Variants in ABCC1 observed in about 807,000 individuals in gnomAD.
ABCC1 encodes the protein ATP binding cassette subfamily C member 1 (ABCC1 blood group).
ABCC1 carries 83 observed loss-of-function variants against 172.9 expected under a neutral mutation model. The observed-to-expected ratio is 0.48, with a 90% confidence interval of 0.40 to 0.58. The LOEUF is 0.58. Ranked by LOEUF, ABCC1 falls within the 20% of genes least tolerant of loss-of-function variation. ABCC1 has a pLI of 0.00. For missense variants in ABCC1, 1,817 were observed against 2,002.7 expected, an observed-to-expected ratio of 0.91 and a Z score of 1.77; for synonymous variants, 937 against 825.2, an observed-to-expected ratio of 1.14 and a Z score of -2.32.
At chr16:15,964,243 A>G (rs888420238) in intron 1 of ABCC1, among the ~76,000 whole-genome samples, 7 of 151,970 alleles carry the variant, frequency 4.6e-5, no homozygotes, top group African/African-American at 1.7e-4. Context: ...GCGCCCGGCC[A>G]ATTTCCACCC....
At chr16:15,964,281 T>G (rs2046198629) in intron 1 of ABCC1, among the ~76,000 whole-genome samples, 1 of 152,174 alleles carries the variant, frequency 6.6e-6, no homozygotes, top group Non-Finnish European at 1.5e-5. Flanking sequence ...TCTTGAATGC[T>G]TTGCTGCTTA....
At chr16:16,064,197 A>G (rs1481225991) in intron 12 of ABCC1, among the ~76,000 whole-genome samples, 32 of 152,064 alleles carry the variant, frequency 2.1e-4, no homozygotes, top group Admixed American at 2.1e-3. Context: ...AAAGGCACCT[A>G]GGGGACAGGT....
At chr16:16,018,166 G>A (rs1296938255) in intron 5 of ABCC1, among the ~76,000 whole-genome samples, 1 of 152,180 alleles carries the variant, frequency 6.6e-6, no homozygotes, top group Non-Finnish European at 1.5e-5. Flanking sequence ...ACCTCTGTGA[G>A]GGGCAGAGGC....
At chr16:16,127,543 G>A (rs999786691) in intron 26 of ABCC1, among the ~76,000 whole-genome samples, 5 of 152,132 alleles carry the variant, frequency 3.3e-5, no homozygotes, top group African/African-American at 1.2e-4. Flanking sequence ...TTTTACAGGT[G>A]AGGAAACTGA....
At chr16:15,979,082 A>G (rs1170296837) in intron 1 of ABCC1, among the ~76,000 whole-genome samples, 1 of 152,046 alleles carries the variant, frequency 6.6e-6, no homozygotes, top group African/African-American at 2.4e-5. Flanking sequence ...CATGAGGTCA[A>G]GACATCGAGA....
At chr16:16,131,417 G>C (rs181087388) in intron 26 of ABCC1, among the ~76,000 whole-genome samples, 18 of 152,246 alleles carry the variant, frequency 1.2e-4, no homozygotes, top group Admixed American at 9.2e-4. Context: ...TGTGCTCTGA[G>C]CCCTGGGATA....
chr16:16,065,655 A>T (rs2050084711), intron 12 of ABCC1, among the ~76,000 whole-genome samples: 1 of 151,710 alleles, frequency 6.6e-6, no homozygotes. Context: ...CTGGTCTTGA[A>T]CTCCTGACTT....
chr16:15,977,519 A>C (rs1246282759), intron 1 of ABCC1, among the ~76,000 whole-genome samples: 4 of 152,108 alleles, frequency 2.6e-5, no homozygotes. Flanking sequence ...TATAGGCATG[A>C]GCCTCTGTGG....
At chr16:16,059,829 GC>G (rs960357786) in intron 12 of ABCC1, among the ~76,000 whole-genome samples, 35 of 125,910 alleles carry the variant, frequency 2.8e-4, no homozygotes, top group Admixed American at 1.5e-3. Context: ...CCCCCTCCCA[GC>G]CCCCCACAAA....
chr16:16,000,846 T>G (rs1193703613), intron 1 of ABCC1, among the ~76,000 whole-genome samples: 1 of 152,082 alleles, frequency 6.6e-6, no homozygotes, highest in Non-Finnish European at 1.5e-5. Flanking sequence ...GCAGGTTGTT[T>G]GGGGAGTGTG....
chr16:16,030,436 G>C (rs1375955309), intron 5 of ABCC1, among the ~76,000 whole-genome samples: 1 of 152,044 alleles, frequency 6.6e-6, no homozygotes, highest in African/African-American at 2.4e-5. Context: ...GAGGCGGGAG[G>C]ATCACTTGAA....
rs1228532784 is a variant in ABCC1 at position 15,999,769 on chromosome 16, T to TTCTCTCTCTCTCTCTCTCTCTCTC, written c.49-8030_49-8007dup. On this transcript the variant is annotated intron_variant, in intron 1 of 30. Transcript: ENST00000399410. ...GTGTGAGCCTCTGTGCCCGGCCTCT[T>TTCTCTCTCTCTCTCTCTCTCTCTC]TCTCTCTCTCTCTCTCTCTCTCTCT... is the stretch of plus-strand genomic sequence containing the variant. 6.3e-4 allele frequency among the ~76,000 whole-genome samples: 16 copies of TTCTCTCTCTCTCTCTCTCTCTCTC among 25,368 alleles called. 5 individuals carry two copies. Among genetic ancestry groups the TTCTCTCTCTCTCTCTCTCTCTCTC allele is most frequent in the South Asian group, 3.9e-3 (2 of 508 alleles). 16.6% of individuals were successfully genotyped at this position (25,368 alleles called of 152,430 possible).
rs757213537 is a variant in ABCC1, at chr16:16,076,294, G to C, written c.1913-32G>C. ...TGTGCATGTGGAGTCGCACAGCTCA[G>C]CCTGTCCCTGACATGTCTCTGTGCT... On this transcript the variant is annotated intron_variant, in intron 14 of 30. Coordinates refer to ENST00000399410, the MANE Select transcript of ABCC1 (RefSeq NM_004996.4). 4.4e-6 allele frequency: 7 copies of C among 1,608,874 alleles called. No homozygotes were observed. The South Asian group carries it at 6.6e-5, about 15-fold the overall frequency.
intron 18 of ABCC1, among the ~76,000 whole-genome samples, chr16:16,087,943 A>G (rs1190705015): frequency 7.2e-5 from 11 of 152,220 alleles, no homozygotes; most frequent in Admixed American, 6.5e-4. Context: ...GTATATATAC[A>G]GGAAACATCG....
rs548738942 is a variant in ABCC1, at chr16:15,995,894, C to T, written c.49-11922C>T. Among the ~76,000 whole-genome samples the T allele has an allele frequency of 3.2e-4, 49 of 151,816 alleles. 1 individual carries two copies. The highest frequency in any genetic ancestry group is 1.1e-3 in the African/African-American group (44 of 41,348). On this transcript the variant is annotated intron_variant, in intron 1 of 30. Coordinates refer to ENST00000399410, the MANE Select transcript of ABCC1 (RefSeq NM_004996.4). Reference sequence around the variant, plus strand: ...CTCACTCCATTGCCACCTCTGGTCTCGAACTCCTGGGCTCAAGTGATCCTC... The same window carrying T: ...CTCACTCCATTGCCACCTCTGGTCTTGAACTCCTGGGCTCAAGTGATCCTC...
In ABCC1 at chr16:16,011,964, C is replaced by T. The variant is rs996595706; in HGVS notation, c.351+2063C>T. Among the ~76,000 whole-genome samples, 12 of 151,846 alleles carry T rather than the reference C, an allele frequency of 7.9e-5. No homozygotes were observed. The South Asian group carries it at 1.2e-3, about 16-fold the overall frequency. On this transcript the variant is annotated intron_variant, in intron 3 of 30. Transcript: ENST00000399410. ...GATTACAGGCATGAGCCACCACCCC[C>T]GGCCAGTTTGTTATTTTTGTAGAGA...
intron 26 of ABCC1, among the ~76,000 whole-genome samples, chr16:16,129,330 T>G (rs1940942170): frequency 1.3e-5 from 2 of 152,008 alleles, no homozygotes; most frequent in Admixed American, 1.3e-4. Flanking sequence ...CTTGCCTTAG[T>G]TGCATTGTAA....
intron 16 of ABCC1, 94 bp from the exon 17 acceptor site, chr16:16,083,272 G>T (rs977915876): frequency 2.4e-6 from 3 of 1,240,310 alleles, no homozygotes; most frequent in Non-Finnish European, 3.5e-6. Context: ...CTTGTGAAGT[G>T]AGGCCCTCCT....
intron 13 of ABCC1, 30 bp downstream of exon 13, chr16:16,068,332 G>C (rs756823584): frequency 8.1e-6 from 13 of 1,611,658 alleles, no homozygotes; most frequent in Non-Finnish European, 1.1e-5. Flanking sequence ...CGACTTCCGA[G>C]AGGGGGCCTT....
Sources: allele counts gnomAD v4.1 joint callset (sites outside exome capture counted in the v4.1 genomes callset), GRCh38; gene constraint gnomAD v4.1.1; transcripts MANE v1.5; gene names NCBI Gene and HGNC (gene_info 2026-07-23, HGNC 2026-07-21).